Variants in SOX5 observed in about 807,000 individuals in gnomAD.
SOX5 encodes the protein SRY-box transcription factor 5, also known as transcription factor SOX-5.
SOX5 carries 9 observed loss-of-function variants against 92.0 expected under a neutral mutation model. The observed-to-expected ratio is 0.10, with a 90% CI of 0.06 to 0.17. The LOEUF (loss-of-function observed/expected upper bound fraction) is 0.17, where lower values mean the gene tolerates loss of function less well. SOX5 is among the 10% of genes least tolerant of loss of function. The pLI is 1.00. For synonymous variants in SOX5, 344 were observed against 336.3 expected (o/e 1.02, Z -0.25); for missense variants, 642 against 944.5 (o/e 0.68, Z 4.20).
At position 23,728,246 on chromosome 12, in the gene SOX5, C is replaced by T. The variant is rs188704310; in HGVS notation, c.810+6438G>A. Among the ~76,000 whole-genome samples, 108 of 152,264 alleles carry T rather than the reference C, an allele frequency of 7.1e-4. No individual in the cohort carries two copies. In the Middle Eastern group the frequency reaches 0.014, roughly 19 times the overall value. On this transcript the variant is annotated intron_variant, in intron 6 of 14. Transcript: ENST00000451604. ...TATCTGAATGCCAGGAAATTGTATC[C>T]TGTCCAGTTATGATGTATTTTATTT...
intron 3 of SOX5, among the ~76,000 whole-genome samples, chr12:24,217,086 C>G (rs897964641): frequency 2.0e-5 from 3 of 152,192 alleles, no homozygotes; most frequent in Admixed American, 6.5e-5. Flanking sequence ...TCCAGCTACT[C>G]ATTTAAATCC....
At chr12:24,217,806 T>C (rs1278290051) in intron 3 of SOX5, among the ~76,000 whole-genome samples, 2 of 152,164 alleles carry the variant, frequency 1.3e-5, no homozygotes, top group Non-Finnish European at 2.9e-5. Flanking sequence ...TAATGAAAAG[T>C]CAAATAACTA....
chr12:23,964,629 C>T (rs1349900543), intron 4 of SOX5, among the ~76,000 whole-genome samples: 2 of 152,132 alleles, frequency 1.3e-5, no homozygotes, highest in Non-Finnish European at 2.9e-5. Context: ...TCTTTGTTTG[C>T]CTCGTGCTTT....
intron 2 of SOX5, among the ~76,000 whole-genome samples, chr12:24,316,478 T>A (rs1471649161): frequency 6.6e-6 from 1 of 152,208 alleles, no homozygotes; most frequent in Non-Finnish European, 1.5e-5. Flanking sequence ...TCCCATGTAC[T>A]AGGCAAAATT....
chr12:24,420,410 C>T (rs1965735135), intron 1 of SOX5, among the ~76,000 whole-genome samples: 1 of 152,112 alleles, frequency 6.6e-6, no homozygotes, highest in African/African-American at 2.4e-5. Context: ...AAAGGGTTCC[C>T]ATTGTCCAAA....
At position 23,895,902 on chromosome 12, in the gene SOX5, A is replaced by C; in HGVS notation, c.161T>G (p.Leu54Trp). 6.2e-7 allele frequency: 1 copy of C among 1,614,074 alleles called. No individual in the cohort carries two copies. The highest frequency in any genetic ancestry group is 8.5e-7 in the Non-Finnish European group (1 of 1,179,962). The change falls in exon 2 of 15, where the codon TTG (leucine) becomes TGG (tryptophan). Residue 54 changes from leucine (L) to tryptophan (W), a missense_variant. Transcript: ENST00000451604. ...SDGLPAFHLP[L>W]HVSFPNKPHS... ...AGGCTTGTTGGGAAAACTCACATGCAAGGGAAGGTGAAAGGCTGGGAGCCC... is the reference window on the plus strand; with the variant it reads ...AGGCTTGTTGGGAAAACTCACATGCCAGGGAAGGTGAAAGGCTGGGAGCCC...
chr12:23,779,920 C>T (rs2095236109), intron 3 of SOX5, among the ~76,000 whole-genome samples: 3 of 140,580 alleles, frequency 2.1e-5, no homozygotes, highest in African/African-American at 5.2e-5. Context: ...TAGAAAAAGA[C>T]ATGTGTTTAT....
intron 3 of SOX5, among the ~76,000 whole-genome samples, chr12:23,778,951 G>C (rs2095193920): frequency 1.3e-5 from 2 of 152,190 alleles, no homozygotes; most frequent in South Asian, 2.1e-4. Context: ...AAAATGGTTA[G>C]ATGACAGCAC....
chr12:24,005,621 G>A (rs557286861), intron 4 of SOX5, among the ~76,000 whole-genome samples: 2 of 151,910 alleles, frequency 1.3e-5, no homozygotes, highest in Non-Finnish European at 2.9e-5. Flanking sequence ...ATTCTGTCTC[G>A]TCCCCTTTAG....
chr12:23,787,873 G>T lies in SOX5; in HGVS notation c.482-32149C>A, dbSNP rs573398644. On this transcript the variant is annotated intron_variant, in intron 3 of 14. Coordinates refer to ENST00000451604, the MANE Select transcript of SOX5 (RefSeq NM_006940.6). ...TCATAACCATTACACATCAACTTTA[G>T]CAGAGATAATACATAGGAAAGTGAG... is the stretch of plus-strand genomic sequence containing the variant. Among the ~76,000 whole-genome samples the T allele has an allele frequency of 2.6e-5, 4 of 151,926 alleles. No individual in the cohort carries two copies. In the South Asian group the frequency reaches 6.2e-4, roughly 24 times the overall value.
At chr12:23,825,250 G>A (rs1355294264) in intron 3 of SOX5, among the ~76,000 whole-genome samples, 2 of 152,210 alleles carry the variant, frequency 1.3e-5, no homozygotes, top group African/African-American at 4.8e-5. Context: ...TGGTCTGCAG[G>A]TTGCGAAGAC....
In SOX5 at chr12:24,195,205, C is replaced by T. The variant is rs554152752; in HGVS notation, c.-2+18138G>A. 2.1e-4 allele frequency among the ~76,000 whole-genome samples: 31 copies of T among 150,960 alleles called. No individual in the cohort carries two copies. The South Asian group carries it at 6.5e-3, about 32-fold the overall frequency. On this transcript the variant is annotated intron_variant, in intron 4 of 4. Transcript: ENST00000446891. ...CATGAATACTAATGAAAAACATTAT[C>T]ACATGAAATTCTATACTGAGTCATC... is the stretch of plus-strand genomic sequence containing the variant.
At chr12:24,066,323 A>G (rs542597817) in intron 4 of SOX5, among the ~76,000 whole-genome samples, 18 of 152,218 alleles carry the variant, frequency 1.2e-4, no homozygotes, top group Non-Finnish European at 2.1e-4. Flanking sequence ...GTAATAAAAT[A>G]CTAGACTTTA....
rs532903834 is a variant in SOX5, at chr12:23,602,285, G to C, written c.1164+2102C>G. Among the ~76,000 whole-genome samples the C allele has an allele frequency of 1.6e-4, 25 of 152,258 alleles. No homozygotes were observed. The South Asian group carries it at 5.0e-3, about 30-fold the overall frequency. ...TTGCACAAAGTCTATGAGGTTCTATGAATGTATAGAACTATATAGTTCATA... is the reference window on the plus strand; with the variant it reads ...TTGCACAAAGTCTATGAGGTTCTATCAATGTATAGAACTATATAGTTCATA... On this transcript the variant is annotated intron_variant, in intron 9 of 14. Coordinates refer to ENST00000451604, the MANE Select transcript of SOX5 (RefSeq NM_006940.6).
In SOX5 at chr12:24,235,145, G is replaced by A. The variant is rs150248793; in HGVS notation, c.-76-21728C>T. Among the ~76,000 whole-genome samples, 7 of 152,240 alleles carry A rather than the reference G, an allele frequency of 4.6e-5. No individual in the cohort carries two copies. The East Asian group carries it at 9.7e-4, about 21-fold the overall frequency. ...CTTCGGGATGGCCCTTCATCTTTCC[G>A]ATTTGCTACATTATTCTGCTGTGGC... On this transcript the variant is annotated intron_variant, in intron 3 of 4. Transcript: ENST00000446891.
intron 4 of SOX5, among the ~76,000 whole-genome samples, chr12:24,026,194 C>T (rs572891646): frequency 1.6e-4 from 24 of 152,126 alleles, no homozygotes; most frequent in South Asian, 2.1e-4. Flanking sequence ...ATGATTTTGA[C>T]GGGGTAACCA....
intron 3 of SOX5, among the ~76,000 whole-genome samples, chr12:23,813,998 C>T (rs1186902854): frequency 6.6e-6 from 1 of 151,670 alleles, no homozygotes; most frequent in Non-Finnish European, 1.5e-5. Context: ...AATTTTCAGA[C>T]GAAAGAAAAA....
chr12:24,053,432 G>A (rs756878401), intron 4 of SOX5, among the ~76,000 whole-genome samples: 17 of 151,722 alleles, frequency 1.1e-4, no homozygotes, highest in South Asian at 2.1e-4. Flanking sequence ...GCCTGGCCCC[G>A]TACTCTCTCT....
At chr12:24,430,839 G>A (rs1938161434) in intron 1 of SOX5, among the ~76,000 whole-genome samples, 1 of 152,138 alleles carries the variant, frequency 6.6e-6, no homozygotes, top group Non-Finnish European at 1.5e-5. Context: ...AGACAGTAGA[G>A]ACGGTTCTGC....
Sources: gnomAD v4.1 joint callset for allele counts (sites outside exome capture counted in the v4.1 genomes callset) on GRCh38, gnomAD v4.1.1 for gene constraint, MANE v1.5 for transcripts, NCBI Gene and HGNC (gene_info 2026-07-23, HGNC 2026-07-21) for gene names.